Variants in SPOCK1 observed in about 807,000 individuals in gnomAD.
SPOCK1 encodes the protein SPARC (osteonectin), cwcv and kazal like domains proteoglycan 1, also known as testican-1.
SPOCK1 carries 23 observed loss-of-function variants against 55.3 expected under a neutral mutation model. That is an observed-to-expected ratio of 0.42 (90% confidence interval 0.30 to 0.59). The LOEUF is 0.59. SPOCK1 is among the 20% of genes least tolerant of loss of function. The pLI is 0.22. For missense variants in SPOCK1, 499 were observed against 552.5 expected (o/e 0.90, Z 0.97); for synonymous variants, 226 against 221.0 (o/e 1.02, Z -0.20).
Position 137,135,028 on chromosome 5 carries a change from A to G in SPOCK1, c.347+5552T>C, listed in dbSNP as rs1048623773. Reference sequence around the variant, plus strand: ...AGTGGAGATAAAGGGCCATTACATTAGAGAGGCCCAGCCCATTGGGAAGTC... The same window carrying G: ...AGTGGAGATAAAGGGCCATTACATTGGAGAGGCCCAGCCCATTGGGAAGTC... On this transcript the variant is annotated intron_variant, in intron 4 of 10. Coordinates refer to ENST00000394945, the MANE Select transcript of SPOCK1 (RefSeq NM_004598.4). Among the ~76,000 whole-genome samples the G allele has an allele frequency of 1.3e-5, 2 of 152,220 alleles. 1 individual carries two copies.
intron 6 of SPOCK1, among the ~76,000 whole-genome samples, chr5:137,029,677 C>T (rs1022499962): frequency 6.6e-6 from 1 of 152,170 alleles, no homozygotes; most frequent in Non-Finnish European, 1.5e-5. Flanking sequence ...CAAGAGGAAA[C>T]CAAATTTATT....
At chr5:137,443,507 G>A (rs1222847563) in intron 2 of SPOCK1, among the ~76,000 whole-genome samples, 1 of 152,130 alleles carries the variant, frequency 6.6e-6, no homozygotes, top group African/African-American at 2.4e-5. Flanking sequence ...CGAATGACTT[G>A]CAGATGGCTG....
At chr5:137,221,712 C>T (rs936802232) in intron 3 of SPOCK1, among the ~76,000 whole-genome samples, 3 of 152,126 alleles carry the variant, frequency 2.0e-5, no homozygotes, top group Admixed American at 1.3e-4. Flanking sequence ...ATTTTCTTGG[C>T]ATGAATATTC....
At chr5:137,108,075 T>C (rs1392271130) in intron 5 of SPOCK1, among the ~76,000 whole-genome samples, 2 of 152,204 alleles carry the variant, frequency 1.3e-5, no homozygotes, top group African/African-American at 4.8e-5. Flanking sequence ...CTCCATGGGA[T>C]GGGAAGTCAT....
At chr5:137,424,209 T>A (rs2149826725) in intron 2 of SPOCK1, among the ~76,000 whole-genome samples, 1 of 152,114 alleles carries the variant, frequency 6.6e-6, no homozygotes, top group South Asian at 2.1e-4. Context: ...AGCAAAGGCC[T>A]ATCTCTAAAA....
At chr5:137,346,924 A>G (rs1308864922) in intron 2 of SPOCK1, among the ~76,000 whole-genome samples, 3 of 152,166 alleles carry the variant, frequency 2.0e-5, no homozygotes, top group African/African-American at 7.2e-5. Flanking sequence ...AGTCAGAAAA[A>G]GTTACTCAGA....
chr5:137,035,380 C>T (rs1414696802), intron 6 of SPOCK1, among the ~76,000 whole-genome samples: 2 of 152,172 alleles, frequency 1.3e-5, no homozygotes, highest in Non-Finnish European at 2.9e-5. Flanking sequence ...TGGGCAGAGA[C>T]TCCGATTTGC....
intron 5 of SPOCK1, among the ~76,000 whole-genome samples, chr5:137,099,587 T>TATATGTATAC (rs1238056075): frequency 6.6e-6 from 1 of 152,082 alleles, no homozygotes; most frequent in African/African-American, 2.4e-5. Context: ...TGTATATATA[T>TATATGTATAC]ATATATGTAC....
intron 2 of SPOCK1, among the ~76,000 whole-genome samples, chr5:137,353,015 G>A (rs1055564877): frequency 1.3e-5 from 2 of 152,312 alleles, no homozygotes; most frequent in African/African-American, 2.4e-5. Flanking sequence ...TACCACTGCA[G>A]TACTGGTCAA....
chr5:137,225,087 C>T (rs970572285), intron 3 of SPOCK1, among the ~76,000 whole-genome samples: 4 of 152,054 alleles, frequency 2.6e-5, no homozygotes, highest in Non-Finnish European at 5.9e-5. Context: ...TATTGAAACA[C>T]GTCCACCAAG....
At chr5:137,192,409 G>A (rs1351039452) in intron 3 of SPOCK1, among the ~76,000 whole-genome samples, 3 of 152,044 alleles carry the variant, frequency 2.0e-5, no homozygotes, top group Admixed American at 6.6e-5. Context: ...CGGCAGAGTC[G>A]TGTTATTTGT....
intron 3 of SPOCK1, among the ~76,000 whole-genome samples, chr5:137,201,210 A>G (rs1313230203): frequency 1.3e-5 from 2 of 152,218 alleles, no homozygotes; most frequent in African/African-American, 2.4e-5. Context: ...GACCAGAAGG[A>G]CTGGACCAGC....
At chr5:137,138,395 G>A (rs1056650035) in intron 4 of SPOCK1, among the ~76,000 whole-genome samples, 1 of 152,026 alleles carries the variant, frequency 6.6e-6, no homozygotes, top group African/African-American at 2.4e-5. Context: ...GTCTCAAACC[G>A]ATTTGAGTTT....
At chr5:137,401,655 G>C (rs1412466381) in intron 2 of SPOCK1, among the ~76,000 whole-genome samples, 1 of 152,070 alleles carries the variant, frequency 6.6e-6, no homozygotes, top group South Asian at 2.1e-4. Flanking sequence ...TGAAGCAAGA[G>C]GATCACTTGA....
At chr5:137,017,882 G>A (rs1167715962) in intron 6 of SPOCK1, among the ~76,000 whole-genome samples, 20 of 152,170 alleles carry the variant, frequency 1.3e-4, no homozygotes, top group Admixed American at 5.2e-4. Flanking sequence ...GCCCCACACC[G>A]TGGAAGACAG....
At chr5:137,462,610 A>T (rs566516095) in intron 2 of SPOCK1, among the ~76,000 whole-genome samples, 1 of 152,240 alleles carries the variant, frequency 6.6e-6, no homozygotes. Flanking sequence ...AATGAGGATT[A>T]TAGTGGTATT....
At chr5:136,995,412 C>T (rs1425269570) in intron 6 of SPOCK1, among the ~76,000 whole-genome samples, 2 of 152,168 alleles carry the variant, frequency 1.3e-5, no homozygotes, top group East Asian at 3.8e-4. Flanking sequence ...AGCAGGCCCT[C>T]CCAACACACT....
At chr5:137,332,360 T>G (rs1758202506) in intron 2 of SPOCK1, among the ~76,000 whole-genome samples, 1 of 152,216 alleles carries the variant, frequency 6.6e-6, no homozygotes, top group African/African-American at 2.4e-5. Flanking sequence ...GTAATTTTCC[T>G]GCTTAGGTTC....
At position 136,978,029 on chromosome 5, in the gene SPOCK1, TC is replaced by T; in HGVS notation, c.*624del. 1 of 398,264 alleles carries T rather than the reference TC, an allele frequency of 2.5e-6. No individual in the cohort carries two copies. The highest frequency in any genetic ancestry group is 1.4e-4 in the South Asian group (1 of 7,210). The allele number at this position is 398,264 out of a possible 1,614,324, so 24.7% of individuals were successfully genotyped here. ...ATATTTATGCATGTACAGGGAAGTA[TC>T]CAGACACCAATTTTTAATAAAATGA... On this transcript the variant is annotated 3_prime_UTR_variant, in exon 11 of 11. Coordinates refer to ENST00000394945, the MANE Select transcript of SPOCK1 (RefSeq NM_004598.4).
Sources: gnomAD v4.1 joint callset for allele counts (sites outside exome capture counted in the v4.1 genomes callset) on GRCh38, gnomAD v4.1.1 for gene constraint, MANE v1.5 for transcripts, NCBI Gene and HGNC (gene_info 2026-07-23, HGNC 2026-07-21) for gene names.